The following CD99L2 variants were observed in gnomAD, a reference collection of about 807,000 sequenced individuals.
The protein encoded by CD99L2 is CD99 molecule like 2.
In CD99L2, 24 loss-of-function variants were observed where a neutral mutation model predicts 27.3. That is an observed-to-expected ratio of 0.88 (90% confidence interval 0.64 to 1.24). The LOEUF (loss-of-function observed/expected upper bound fraction) is 1.24. Ranked by LOEUF, CD99L2 falls within the 50% of genes most tolerant of loss-of-function variation. The pLI, the probability that CD99L2 is intolerant of heterozygous loss-of-function variation, is 0.00. For missense variants in CD99L2, 255 were observed against 221.6 expected (o/e 1.15, Z -0.96); for synonymous variants, 97 against 87.9 (o/e 1.10, Z -0.58).
chrX:150,820,312 C>T (rs1350291448), intron 2 of CD99L2, among the ~76,000 whole-genome samples: 2 of 109,131 alleles, frequency 1.8e-5, no homozygotes, highest in African/African-American at 3.3e-5. Context: ...AGGCATTTAA[C>T]GAAAGTCAAC....
rs376452313 is a variant in CD99L2 at position 150,838,151 on chromosome X, C to A, written c.68-6858G>T. On this transcript the variant is annotated intron_variant, in intron 1 of 10. Coordinates refer to ENST00000370377, the MANE Select transcript of CD99L2 (RefSeq NM_031462.4). ...ATCATGACAAAAACATCAAATAACT[C>A]CTGACTGGGGGGTGCTGTACAAAAT... is the stretch of plus-strand genomic sequence containing the variant. 2.7e-5 allele frequency among the ~76,000 whole-genome samples: 3 copies of A among 112,029 alleles called. No individual in the cohort carries two copies. In the East Asian group the frequency reaches 8.4e-4, roughly 31 times the overall value.
chrX:150,824,191 A>G (rs201417206), intron 2 of CD99L2, among the ~76,000 whole-genome samples: 887 of 37,748 alleles, frequency 0.023, 142 homozygotes, highest in Admixed American at 0.065. Flanking sequence ...AGGAGGAGGA[A>G]GAAGAAGAGG....
chrX:150,844,230 C>T (rs2046666118), intron 1 of CD99L2, among the ~76,000 whole-genome samples: 1 of 112,294 alleles, frequency 8.9e-6, no homozygotes. Context: ...TTGCCTTTCC[C>T]CTGCCCTCTG....
intron 10 of CD99L2, 87 bp downstream of exon 10, chrX:150,770,217 C>T (rs2043418968): frequency 3.3e-6 from 3 of 921,287 alleles, no homozygotes; most frequent in Admixed American, 2.3e-5. Context: ...CGCCTCTGTG[C>T]TTCCCTGCTT....
At chrX:150,880,055 A>G (rs1557422447) in intron 1 of CD99L2, among the ~76,000 whole-genome samples, 1 of 111,644 alleles carries the variant, frequency 9.0e-6, no homozygotes, top group Non-Finnish European at 1.9e-5. Context: ...TGAAACAGAA[A>G]ATAACAAGTG....
chrX:150,874,478 C>T (rs1397196689), intron 1 of CD99L2, among the ~76,000 whole-genome samples: 2 of 104,703 alleles, frequency 1.9e-5, no homozygotes, highest in East Asian at 6.3e-4. Flanking sequence ...TTCAGAGGGG[C>T]TGCAGGAGTA....
chrX:150,814,835 T>C, intron 4 of CD99L2, 27 bp downstream of exon 4: 7 of 1,121,988 alleles, frequency 6.2e-6, no homozygotes, highest in South Asian at 1.8e-5. Flanking sequence ...CAGAATCCTG[T>C]AGTAGTTTCA....
chrX:150,891,853 G>T (rs1367474839), intron 1 of CD99L2, among the ~76,000 whole-genome samples: 1 of 111,990 alleles, frequency 8.9e-6, no homozygotes, highest in African/African-American at 3.2e-5. Context: ...TTGGGGGACA[G>T]GAACCCCTTG....
intron 2 of CD99L2, among the ~76,000 whole-genome samples, chrX:150,827,625 T>C (rs189373780): frequency 8.0e-5 from 9 of 111,992 alleles, no homozygotes; most frequent in Admixed American, 2.9e-4. Flanking sequence ...AAAACCATCA[T>C]TGCTAATAAA....
intron 1 of CD99L2, among the ~76,000 whole-genome samples, chrX:150,891,767 C>A (rs7877607): frequency 0.052 from 5,705 of 110,476 alleles, 379 homozygotes; most frequent in African/African-American, 0.18. Context: ...TAGGTGTCTA[C>A]GATGACGTTA....
chrX:150,783,960 A>G (rs1438352506), intron 7 of CD99L2, among the ~76,000 whole-genome samples: 1 of 111,893 alleles, frequency 8.9e-6, no homozygotes, highest in Non-Finnish European at 1.9e-5. Flanking sequence ...CACCCTTGAA[A>G]GAGCTGTCAC....
intron 1 of CD99L2, among the ~76,000 whole-genome samples, chrX:150,845,028 G>A (rs1453513572): frequency 1.8e-5 from 2 of 112,377 alleles, no homozygotes; most frequent in Non-Finnish European, 3.8e-5. Flanking sequence ...TGCAGGGGAA[G>A]GATTTTTTTT....
chrX:150,843,650 CAAAAT>C (rs2046656194), intron 1 of CD99L2, among the ~76,000 whole-genome samples: 1 of 108,804 alleles, frequency 9.2e-6, no homozygotes, highest in African/African-American at 3.4e-5. Flanking sequence ...GACTCTGTCT[CAAAAT>C]AATAATAATA....
intron 1 of CD99L2, among the ~76,000 whole-genome samples, chrX:150,859,988 C>T (rs1557421858): frequency 3.6e-5 from 4 of 111,119 alleles, no homozygotes; most frequent in Non-Finnish European, 3.8e-5. Flanking sequence ...ATGAGGCCAG[C>T]ACTACCCTGA....
chrX:150,824,194 AGAAGAGGAGGAG>A (rs2046297266), intron 2 of CD99L2, among the ~76,000 whole-genome samples: 1 of 30,978 alleles, frequency 3.2e-5, no homozygotes, highest in African/African-American at 8.1e-5. Context: ...AGGAGGAAGA[AGAAGAGGAGGAG>A]GAAGAGGAGG....
intron 1 of CD99L2, among the ~76,000 whole-genome samples, chrX:150,831,563 A>G (rs781910671): frequency 9.0e-6 from 1 of 111,275 alleles, no homozygotes; most frequent in Non-Finnish European, 1.9e-5. Context: ...ACATGAACAC[A>G]TAGAGGGGAA....
At chrX:150,870,425 A>G (rs1227628543) in intron 1 of CD99L2, among the ~76,000 whole-genome samples, 3 of 112,121 alleles carry the variant, frequency 2.7e-5, no homozygotes, top group Non-Finnish European at 5.6e-5. Flanking sequence ...GCCAGGAAGC[A>G]GTCCGTACAA....
chrX:150,830,443 T>C (rs2046425362), intron 2 of CD99L2, among the ~76,000 whole-genome samples: 1 of 110,767 alleles, frequency 9.0e-6, no homozygotes, highest in African/African-American at 3.3e-5. Flanking sequence ...TTCCAGCTAC[T>C]TGGAAGGCTG....
chrX:150,770,253 G>T lies in CD99L2; in HGVS notation c.721+51C>A, dbSNP rs111437032. 8.8e-4 allele frequency: 981 copies of T among 1,114,762 alleles called. 9 individuals carry two copies. The South Asian group carries it at 0.017, about 19-fold the overall frequency. The allele number at this position is 1,114,762 out of a possible 1,213,427, so 91.9% of individuals were successfully genotyped here. On this transcript the variant is annotated intron_variant, in intron 10 of 10. Coordinates refer to ENST00000370377, the MANE Select transcript of CD99L2 (RefSeq NM_031462.4). ...CTCTAGCACAGTTCTGCTCAGTGCT[G>T]GGACCAACTAGGAAAGCGTCAGCAA...
Sources: allele counts gnomAD v4.1 joint callset (sites outside exome capture counted in the v4.1 genomes callset), GRCh38; gene constraint gnomAD v4.1.1; transcripts MANE v1.5; gene names NCBI Gene and HGNC (gene_info 2026-07-23, HGNC 2026-07-21).